The following YTHDC2 variants were observed in gnomAD, a reference collection of about 807,000 sequenced individuals.
YTHDC2 encodes YTH N6-methyladenosine RNA binding protein C2.
Under a neutral mutation model 174.9 loss-of-function variants are expected in YTHDC2, and 45 were observed. That is an observed-to-expected ratio of 0.26 (90% CI 0.20 to 0.33). The LOEUF is 0.33. YTHDC2 is among the 10% of genes least tolerant of loss of function. The pLI is 1.00. For synonymous variants in YTHDC2, 657 were observed against 574.5 expected (o/e 1.14, Z -2.05); for missense variants, 1,650 against 1,723.7 (o/e 0.96, Z 0.76).
intron 23 of YTHDC2, among the ~76,000 whole-genome samples, chr5:113,577,518 C>T (rs945315901): frequency 1.5e-4 from 23 of 151,968 alleles, no homozygotes; most frequent in African/African-American, 5.1e-4. Context: ...TAAAGGCACA[C>T]ACCACCATGC....
chr5:113,527,664 G>T (rs943918217), intron 4 of YTHDC2, among the ~76,000 whole-genome samples: 1 of 152,064 alleles, frequency 6.6e-6, no homozygotes, highest in Non-Finnish European at 1.5e-5. Flanking sequence ...TTTACTTGAA[G>T]GACTTAAACA....
chr5:113,528,138 T>G (rs1483670683), intron 4 of YTHDC2, among the ~76,000 whole-genome samples: 3 of 152,178 alleles, frequency 2.0e-5, no homozygotes, highest in Non-Finnish European at 4.4e-5. Flanking sequence ...AATAAATAGG[T>G]CTTTGTTTAA....
At chr5:113,543,383 T>C (rs901739955) in intron 10 of YTHDC2, among the ~76,000 whole-genome samples, 10 of 152,220 alleles carry the variant, frequency 6.6e-5, no homozygotes, top group Admixed American at 1.3e-4. Context: ...ATTGCACATA[T>C]AATTCATTAG....
chr5:113,530,195 T>C (rs568427908), intron 4 of YTHDC2, among the ~76,000 whole-genome samples: 1 of 152,330 alleles, frequency 6.6e-6, no homozygotes, highest in South Asian at 2.1e-4. Flanking sequence ...GGAATTTTAC[T>C]TTTTCTTCAT....
At chr5:113,581,979 C>G (rs943100659) in intron 25 of YTHDC2, 2 of 242,324 alleles carry the variant, frequency 8.3e-6, no homozygotes, top group African/African-American at 4.5e-5. Context: ...TATCTAATTT[C>G]TAGAATTGGG....
chr5:113,519,622 A>C (rs1433610261), intron 2 of YTHDC2, among the ~76,000 whole-genome samples: 3 of 152,202 alleles, frequency 2.0e-5, no homozygotes, highest in African/African-American at 7.2e-5. Context: ...ACAGTTCTGG[A>C]GGTCAGAAGT....
rs1249250123 is a variant in YTHDC2, at chr5:113,514,095, A to T, written c.187+13A>T. ...GGGGACCAGAGAGGTGAGGTTCCGG[A>T]CAGGGACCATGCTGGCAGTCAGGAT... is the stretch of plus-strand genomic sequence containing the variant. On this transcript the variant is annotated intron_variant, in intron 1 of 29. Coordinates refer to ENST00000161863, the MANE Select transcript of YTHDC2 (RefSeq NM_022828.5). 2 of 1,608,922 alleles carry T rather than the reference A, an allele frequency of 1.2e-6. No individual in the cohort carries two copies.
intron 23 of YTHDC2, among the ~76,000 whole-genome samples, chr5:113,571,036 G>C (rs1201404396): frequency 6.6e-6 from 1 of 152,168 alleles, no homozygotes; most frequent in Non-Finnish European, 1.5e-5. Context: ...AGTGATGAGA[G>C]AGGACATCCT....
chr5:113,519,366 G>A (rs1773705349), intron 2 of YTHDC2, among the ~76,000 whole-genome samples: 1 of 152,040 alleles, frequency 6.6e-6, no homozygotes, highest in Non-Finnish European at 1.5e-5. Context: ...GTCACGCTGA[G>A]GTCAGTGTGT....
intron 4 of YTHDC2, among the ~76,000 whole-genome samples, chr5:113,527,689 T>C (rs1774358306): frequency 6.6e-6 from 1 of 152,232 alleles, no homozygotes; most frequent in Non-Finnish European, 1.5e-5. Context: ...TACAGAATTA[T>C]ATCTGTTTAT....
chr5:113,591,759 A>C (rs1315978048), intron 27 of YTHDC2, among the ~76,000 whole-genome samples: 1 of 152,168 alleles, frequency 6.6e-6, no homozygotes, highest in Non-Finnish European at 1.5e-5. Context: ...TTTTATTTAG[A>C]AATCATTATT....
chr5:113,533,074 T>C (rs756089369), intron 5 of YTHDC2, 29 bp downstream of exon 5: 1 of 1,600,996 alleles, frequency 6.2e-7, no homozygotes, highest in African/African-American at 1.5e-5. Flanking sequence ...TATCTTCTCT[T>C]TTATCATGCT....
chr5:113,522,133 TG>T (rs1195375164), intron 2 of YTHDC2, among the ~76,000 whole-genome samples: 759 of 73,582 alleles, frequency 0.01, 6 homozygotes, highest in African/African-American at 0.025. Flanking sequence ...CTGTTTTTTT[TG>T]TTTTTTGTTT....
intron 2 of YTHDC2, chr5:113,517,671 C>G (rs1005776262): frequency 2.2e-6 from 1 of 444,718 alleles, no homozygotes; most frequent in Admixed American, 2.4e-5. Context: ...AACCTTCTTA[C>G]GAAATACCCT....
intron 4 of YTHDC2, among the ~76,000 whole-genome samples, chr5:113,529,682 T>C (rs947946566): frequency 7.9e-5 from 12 of 152,126 alleles, no homozygotes; most frequent in Admixed American, 2.6e-4. Context: ...TTTTTATTCT[T>C]TTTGGCTTAT....
chr5:113,578,396 T>TGTTTTG (rs201324290), intron 23 of YTHDC2, among the ~76,000 whole-genome samples: 23 of 151,780 alleles, frequency 1.5e-4, no homozygotes, highest in African/African-American at 3.4e-4. Flanking sequence ...TGTTTTGTTT[T>TGTTTTG]TTTGTGTATG....
At chr5:113,530,645 T>C (rs1774592148) in intron 4 of YTHDC2, among the ~76,000 whole-genome samples, 1 of 152,206 alleles carries the variant, frequency 6.6e-6, no homozygotes, top group Non-Finnish European at 1.5e-5. Context: ...ATAAGATATA[T>C]ACATAATCAG....
chr5:113,565,960 C>T lies in YTHDC2; in HGVS notation c.2783C>T (p.Ala928Val). 1 of 1,613,504 alleles carries T rather than the reference C, an allele frequency of 6.2e-7. No homozygotes were observed. Among genetic ancestry groups the T allele is most frequent in the Middle Eastern group, 1.6e-4 (1 of 6,062 alleles). Residue 928 changes from alanine to valine, a missense_variant, in exon 21 of 30, where the codon GCT becomes GTT. By Grantham distance (64) the Ala-to-Val change is moderately conservative. This residue lies in a region of YTHDC2 where 913 missense variants were observed against 940.4 expected (regional missense o/e 0.97). Transcript: ENST00000161863. The stretch of plus-strand genomic sequence containing the variant: ...TGTGAAAAGAATTTTCTTTCACAGG[C>T]TACTATGGAAATAATCATAGGCATG... Reference protein sequence around the residue: ...AFCEKNFLSQATMEIIIGMRT... With the variant: ...AFCEKNFLSQVTMEIIIGMRT...
chr5:113,543,085 A>G (rs543395889), intron 10 of YTHDC2, among the ~76,000 whole-genome samples: 1 of 152,276 alleles, frequency 6.6e-6, no homozygotes, highest in South Asian at 2.1e-4. Context: ...TTAATCCTTA[A>G]GTGGATCTCA....
Sources: gnomAD v4.1 joint callset for allele counts (sites outside exome capture counted in the v4.1 genomes callset) on GRCh38, gnomAD v4.1.1 for gene constraint, gnomAD v4.1.1 regional missense constraint, MANE v1.5 for transcripts, NCBI Gene and HGNC (gene_info 2026-07-23, HGNC 2026-07-21) for gene names.